Variants in LOXL4 observed in about 807,000 individuals in gnomAD.
The protein encoded by LOXL4 is lysyl oxidase like 4.
Under a neutral mutation model 89.1 loss-of-function variants are expected in LOXL4, and 72 were observed. The observed-to-expected ratio is 0.81, with a 90% CI of 0.67 to 0.98. LOXL4 has a LOEUF of 0.98. Among genes scored for constraint, LOXL4 ranks in the 50% least tolerant of loss-of-function variants. LOXL4 has a pLI of 0.00. For missense variants in LOXL4, 984 were observed against 1,017.5 expected (o/e 0.97, Z 0.45); for synonymous variants, 355 against 392.1 (o/e 0.91, Z 1.12).
chr10:98,254,717 G>A (rs1448391498), intron 10 of LOXL4, among the ~76,000 whole-genome samples: 2 of 152,200 alleles, frequency 1.3e-5, no homozygotes, highest in Non-Finnish European at 2.9e-5. Flanking sequence ...GGAGGGGTTC[G>A]AGGTTCCCAG....
chr10:98,251,871 A>T (rs778663496), intron 12 of LOXL4, among the ~76,000 whole-genome samples, 169 bp from the exon 13 acceptor site: 1 of 152,180 alleles, frequency 6.6e-6, no homozygotes, highest in African/African-American at 2.4e-5. Context: ...TGTGACAAAG[A>T]TAGGATTTGT....
chr10:98,266,214 C>T (rs1231816447), intron 1 of LOXL4, among the ~76,000 whole-genome samples: 1 of 152,200 alleles, frequency 6.6e-6, no homozygotes, highest in Non-Finnish European at 1.5e-5. Context: ...TCACATGGGT[C>T]TGGGCTGAGT....
At chr10:98,265,003 C>T (rs984661263) in intron 1 of LOXL4, among the ~76,000 whole-genome samples, 6 of 152,218 alleles carry the variant, frequency 3.9e-5, no homozygotes, top group Non-Finnish European at 5.9e-5. Context: ...GTGGAGTGGG[C>T]TCCTAAAAGT....
At position 98,255,641 on chromosome 10, in the gene LOXL4, C is replaced by T. The variant is rs755575205; in HGVS notation, c.1527G>A (p.Arg509=). ...CGTGGGAGCAGTGCACCGGCCCGTG[C>T]CTCTGGCACTGCTGCAGGGCCAGCT... ...GTELALQQCQ[R]HGPVHCSHGG... Residue 509 remains arginine, a synonymous_variant, in exon 10 of 15, where the codon AGG becomes AGA. Transcript: ENST00000260702. The T allele has an allele frequency of 6.5e-5, 105 of 1,613,420 alleles. No homozygotes were observed. The highest frequency in any genetic ancestry group is 8.1e-5 in the Non-Finnish European group (96 of 1,179,592).
intron 13 of LOXL4, 124 bp downstream of exon 13, chr10:98,251,442 C>A: frequency 7.4e-7 from 1 of 1,348,766 alleles, no homozygotes; most frequent in Non-Finnish European, 1.0e-6. Flanking sequence ...CAGGACAGCT[C>A]CTTTAAGTGA....
chr10:98,256,943 C>T lies in LOXL4; in HGVS notation c.1265G>A (p.Arg422His), dbSNP rs142861581. The change falls in exon 9 of 15, where the codon CGC (arginine) becomes CAC (histidine). Residue 422 changes from arginine (R) to histidine (H), a missense_variant. Coordinates refer to ENST00000260702, the MANE Select transcript of LOXL4 (RefSeq NM_032211.7). ...CTCAGGGATACGCCCACCAGCCAAGCGCACCTGCAATGGCGAGGGGTGTGT... is the reference window on the plus strand; with the variant it reads ...CTCAGGGATACGCCCACCAGCCAAGTGCACCTGCAATGGCGAGGGGTGTGT... Reference protein sequence around the residue: ...VPNMGFQNQVRLAGGRIPEEG... With the variant: ...VPNMGFQNQVHLAGGRIPEEG... 784 of 1,613,882 alleles carry T rather than the reference C, an allele frequency of 4.9e-4. 2 individuals are homozygous for T. Among genetic ancestry groups the T allele is most frequent in the Admixed American group, 3.5e-4 (21 of 59,980 alleles).
chr10:98,253,807 G>C lies in LOXL4; in HGVS notation c.1592-11C>G. Reference sequence around the variant, plus strand: ...CCAGGTCTGGTGCACCTGGGGCGGCGGAGGGCATGGCAGTGACTCAAAGGG... The same window carrying C: ...CCAGGTCTGGTGCACCTGGGGCGGCCGAGGGCATGGCAGTGACTCAAAGGG... On this transcript the variant is annotated splice_polypyrimidine_tract_variant and intron_variant, in intron 10 of 14. Coordinates refer to ENST00000260702, the MANE Select transcript of LOXL4 (RefSeq NM_032211.7). 6.2e-7 allele frequency: 1 copy of C among 1,613,472 alleles called. No individual in the cohort carries two copies. The highest frequency in any genetic ancestry group is 1.7e-5 in the Admixed American group (1 of 60,026).
intron 12 of LOXL4, 134 bp from the exon 13 acceptor site, chr10:98,251,836 A>G: frequency 9.3e-7 from 1 of 1,073,884 alleles, no homozygotes; most frequent in Non-Finnish European, 1.3e-6. Context: ...TCCTGCTGTG[A>G]ATCCAGCACC....
chr10:98,252,320 G>A (rs1858216004), intron 12 of LOXL4, 33 bp downstream of exon 12: 3 of 1,480,266 alleles, frequency 2.0e-6, no homozygotes, highest in East Asian at 2.3e-5. Flanking sequence ...AACAAAAGGA[G>A]ATGCTGATAG....
intron 11 of LOXL4, 140 bp from the exon 12 acceptor site, chr10:98,252,608 A>G (rs1248060233): frequency 1.7e-6 from 1 of 602,932 alleles, no homozygotes; most frequent in Non-Finnish European, 2.9e-6. Context: ...TCCCTCCCAA[A>G]CCCGAGATTA....
chr10:98,263,076 T>C, intron 1 of LOXL4, 25 bp from the exon 2 acceptor site: 1 of 1,578,952 alleles, frequency 6.3e-7, no homozygotes, highest in Non-Finnish European at 8.7e-7. Flanking sequence ...AACATGACAG[T>C]GATCACCACC....
At chr10:98,258,204 G>T in intron 6 of LOXL4, 40 bp from the exon 7 acceptor site, 1 of 1,568,684 alleles carries the variant, frequency 6.4e-7, no homozygotes, top group Non-Finnish European at 8.7e-7. Context: ...CTGAGGAGGA[G>T]GCACCAGCAG....
chr10:98,250,156 C>T (rs1001466091), intron 14 of LOXL4, among the ~76,000 whole-genome samples: 8 of 152,192 alleles, frequency 5.3e-5, no homozygotes, highest in South Asian at 2.1e-4. Flanking sequence ...ATTCGGGTGA[C>T]GCCTTCCAAA....
intron 13 of LOXL4, 89 bp from the exon 14 acceptor site, chr10:98,251,265 A>G (rs1858185281): frequency 9.9e-6 from 10 of 1,011,588 alleles, no homozygotes; most frequent in Non-Finnish European, 1.5e-5. Flanking sequence ...ATGTGTTTCT[A>G]TTTGCTTCAT....
At chr10:98,261,913 G>A in intron 3 of LOXL4, 122 bp downstream of exon 3, 1 of 1,046,626 alleles carries the variant, frequency 9.6e-7, no homozygotes, top group Non-Finnish European at 1.3e-6. Context: ...GCGGCCTGGG[G>A]ACGATGCTCA....
rs181232345 is a variant in LOXL4 at position 98,248,131 on chromosome 10, C to T, written c.*790G>A. On this transcript the variant is annotated 3_prime_UTR_variant, in exon 15 of 15. Coordinates refer to ENST00000260702, the MANE Select transcript of LOXL4 (RefSeq NM_032211.7). ...GCCAGGTAAATGGTCCATATTATTT[C>T]CTTGGCAGAGGCCCTGACAGGGGCT... 1.3e-5 allele frequency: 2 copies of T among 152,328 alleles called. No individual in the cohort carries two copies. The highest frequency in any genetic ancestry group is 1.3e-4 in the Admixed American group (2 of 15,296). The allele number at this position is 152,328 out of a possible 1,614,324, so 9.4% of individuals were successfully genotyped here.
rs775864686 is a variant in LOXL4, at chr10:98,256,874, C to T, written c.1334G>A (p.Arg445His). The T allele has an allele frequency of 1.2e-5, 20 of 1,614,070 alleles. No homozygotes were observed. The highest frequency in any genetic ancestry group is 1.0e-4 in the Admixed American group (6 of 60,008). Reference sequence around the variant, plus strand: ...GTTTTCACTGCACACGCTCCCCCAGCGTGGGACCCCGTTCACCTCCACCTG... The same window carrying T: ...GTTTTCACTGCACACGCTCCCCCAGTGTGGGACCCCGTTCACCTCCACCTG... ...EVQVEVNGVPRWGSVCSENWG... is the reference protein window; with the variant it reads ...EVQVEVNGVPHWGSVCSENWG... The change falls in exon 9 of 15, where the codon CGC becomes CAC. Residue 445 changes from arginine (R) to histidine (H), a missense_variant. Arg to His is a conservative substitution (Grantham distance 29, BLOSUM62 0). Transcript: ENST00000260702.
intron 1 of LOXL4, among the ~76,000 whole-genome samples, chr10:98,266,900 C>T (rs1275455091): frequency 6.6e-6 from 1 of 152,140 alleles, no homozygotes; most frequent in Non-Finnish European, 1.5e-5. Context: ...GTCTGTTCCC[C>T]TAGCACTGAG....
At chr10:98,255,946 G>C in intron 9 of LOXL4, 1 of 526,092 alleles carries the variant, frequency 1.9e-6, no homozygotes, top group Non-Finnish European at 3.3e-6. Context: ...ACCACATATG[G>C]AGGTAAAAAT....
Sources: gnomAD v4.1 joint callset for allele counts (sites outside exome capture counted in the v4.1 genomes callset) on GRCh38, gnomAD v4.1.1 for gene constraint, MANE v1.5 for transcripts, NCBI Gene and HGNC (gene_info 2026-07-23, HGNC 2026-07-21) for gene names.